SLC9C1: variants seen among roughly 807,000 people sequenced by gnomAD.
SLC9C1 encodes the protein sodium/hydrogen exchanger 10.
In SLC9C1, 97 loss-of-function variants were observed where a neutral mutation model predicts 140.9. That is an observed-to-expected ratio of 0.69 (90% confidence interval 0.58 to 0.82). The LOEUF is 0.82. Among genes scored for constraint, SLC9C1 ranks in the 40% least tolerant of loss-of-function variants. SLC9C1 has a pLI of 0.00. For synonymous variants in SLC9C1, 440 were observed against 442.6 expected, an observed-to-expected ratio of 0.99 and a Z score of 0.07; for missense variants, 1,340 against 1,389.3, an observed-to-expected ratio of 0.96 and a Z score of 0.56.
intron 12 of SLC9C1, among the ~76,000 whole-genome samples, chr3:112,231,761 T>C (rs929494540): frequency 3.9e-5 from 6 of 152,278 alleles, no homozygotes; most frequent in Non-Finnish European, 7.4e-5. Flanking sequence ...ATCACATATA[T>C]GATCATGCTT....
chr3:112,201,404 A>T, intron 18 of SLC9C1, among the ~76,000 whole-genome samples: 1 of 152,088 alleles, frequency 6.6e-6, no homozygotes, highest in Non-Finnish European at 1.5e-5. Flanking sequence ...AAACATAAGA[A>T]AATAGTTTTA....
intron 12 of SLC9C1, among the ~76,000 whole-genome samples, chr3:112,231,692 G>A (rs1031445402): frequency 5.9e-5 from 9 of 152,096 alleles, no homozygotes; most frequent in Non-Finnish European, 1.2e-4. Context: ...TCAGTTTTGC[G>A]GGGAGGAGTT....
intron 18 of SLC9C1, among the ~76,000 whole-genome samples, chr3:112,201,473 T>A (rs1037272685): frequency 1.3e-5 from 2 of 152,030 alleles, no homozygotes; most frequent in African/African-American, 2.4e-5. Context: ...ACATATTGAA[T>A]GTTCAGTTTC....
At chr3:112,241,708 T>A (rs1478523536) in intron 11 of SLC9C1, among the ~76,000 whole-genome samples, 1 of 152,010 alleles carries the variant, frequency 6.6e-6, no homozygotes, top group African/African-American at 2.4e-5. Flanking sequence ...ATACTACTAG[T>A]CTACAGTAAC....
At chr3:112,259,942 A>G (rs1435911471) in intron 10 of SLC9C1, among the ~76,000 whole-genome samples, 2 of 152,156 alleles carry the variant, frequency 1.3e-5, no homozygotes, top group Non-Finnish European at 2.9e-5. Context: ...TTTATCATGA[A>G]TGGATTTTAC....
At chr3:112,278,684 T>C (rs2080279940) in intron 4 of SLC9C1, 45 bp downstream of exon 4, 3 of 1,555,650 alleles carry the variant, frequency 1.9e-6, no homozygotes. Flanking sequence ...ACATAGATAA[T>C]ATGTGGTTCA....
intron 23 of SLC9C1, among the ~76,000 whole-genome samples, chr3:112,176,760 A>C (rs536558664): frequency 1.6e-4 from 25 of 152,234 alleles, no homozygotes; most frequent in African/African-American, 5.8e-4. Flanking sequence ...TCAGTAGAAA[A>C]CCTCAGGTAT....
intron 10 of SLC9C1, among the ~76,000 whole-genome samples, chr3:112,255,055 C>A (rs79447481): frequency 6.6e-6 from 1 of 152,038 alleles, no homozygotes. Context: ...TATTAATGCA[C>A]CTAACAGAGG....
At chr3:112,185,097 C>G (rs927343525) in intron 20 of SLC9C1, among the ~76,000 whole-genome samples, 1 of 152,016 alleles carries the variant, frequency 6.6e-6, no homozygotes, top group African/African-American at 2.4e-5. Context: ...AGGGGCAGTT[C>G]CCCAGGGAAT....
At chr3:112,187,015 AC>A (rs1164349656) in intron 20 of SLC9C1, among the ~76,000 whole-genome samples, 4 of 152,106 alleles carry the variant, frequency 2.6e-5, no homozygotes, top group African/African-American at 9.7e-5. Flanking sequence ...AGGTATATTG[AC>A]CCTGCTTTCT....
intron 2 of SLC9C1, among the ~76,000 whole-genome samples, chr3:112,282,937 T>C (rs1014402946): frequency 8.5e-5 from 13 of 152,214 alleles, no homozygotes; most frequent in African/African-American, 3.1e-4. Context: ...TTTGTAAATA[T>C]ACACAAACAT....
chr3:112,222,562 A>G (rs2078571355), intron 13 of SLC9C1, among the ~76,000 whole-genome samples: 1 of 152,158 alleles, frequency 6.6e-6, no homozygotes, highest in Admixed American at 6.5e-5. Flanking sequence ...ACAAGCGAAA[A>G]AGAGGTTATT....
intron 28 of SLC9C1, among the ~76,000 whole-genome samples, 180 bp from the exon 29 acceptor site, chr3:112,141,461 C>T (rs1346515068): frequency 6.6e-6 from 1 of 152,072 alleles, no homozygotes; most frequent in East Asian, 1.9e-4. Context: ...CCTTGTCACT[C>T]ATAGAGTGGT....
intron 20 of SLC9C1, among the ~76,000 whole-genome samples, chr3:112,197,129 AC>A (rs1285288802): frequency 2.6e-5 from 4 of 151,714 alleles, no homozygotes; most frequent in Non-Finnish European, 4.4e-5. Context: ...GTTTTATTTT[AC>A]TTTTTTTCTG....
intron 14 of SLC9C1, among the ~76,000 whole-genome samples, chr3:112,217,813 A>G (rs1484651538): frequency 6.6e-6 from 1 of 152,218 alleles, no homozygotes; most frequent in Non-Finnish European, 1.5e-5. Context: ...TTCAAGGTTC[A>G]GGGATAGAAA....
At chr3:112,247,545 A>C (rs1327772938) in intron 10 of SLC9C1, among the ~76,000 whole-genome samples, 2 of 152,194 alleles carry the variant, frequency 1.3e-5, no homozygotes, top group Non-Finnish European at 1.5e-5. Flanking sequence ...GTCCCTACTC[A>C]GCATATTAAG....
At chr3:112,214,196 C>T (rs890904893) in intron 15 of SLC9C1, among the ~76,000 whole-genome samples, 1 of 152,154 alleles carries the variant, frequency 6.6e-6, no homozygotes, top group Admixed American at 6.5e-5. Context: ...ATCTCTGGGA[C>T]ACATTTAAAG....
chr3:112,202,338 CA>C lies in SLC9C1; in HGVS notation c.2233del (p.Trp745GlyfsTer5). The C allele has an allele frequency of 6.2e-7, 1 of 1,609,698 alleles. No homozygotes were observed. The highest frequency in any genetic ancestry group is 1.3e-5 in the African/African-American group (1 of 74,870). ...DKRMSHQKTF[W>X]YGILKGYVQG... ...GACATAGCCTTTTAGTATTCCATAC[CA>C]AAAGGTCTTCTGATGACTCATTCTT... On this transcript the variant is annotated frameshift_variant, in exon 18 of 29. Coordinates refer to ENST00000305815, the MANE Select transcript of SLC9C1 (RefSeq NM_183061.3). LOFTEE classifies it high-confidence loss of function.
intron 26 of SLC9C1, among the ~76,000 whole-genome samples, chr3:112,162,876 A>G (rs1037300842): frequency 7.5e-6 from 1 of 133,798 alleles, no homozygotes; most frequent in African/African-American, 2.9e-5. Context: ...CTCTGGTAGA[A>G]TTCGGCTGTG....
Sources: allele counts gnomAD v4.1 joint callset (sites outside exome capture counted in the v4.1 genomes callset), GRCh38; gene constraint gnomAD v4.1.1; transcripts MANE v1.5; gene names NCBI Gene and HGNC (gene_info 2026-07-23, HGNC 2026-07-21).